Variants in BNIP2 observed in about 807,000 individuals in gnomAD.
The protein encoded by BNIP2 is BCL2 interacting protein 2.
In BNIP2, 36 loss-of-function variants were observed where a neutral mutation model predicts 43.4. The observed-to-expected ratio is 0.83, with a 90% CI of 0.64 to 1.10. The LOEUF is 1.10. BNIP2 is among the 50% of genes least tolerant of loss of function. BNIP2 has a pLI of 0.00. For missense variants in BNIP2, 417 were observed against 374.1 expected (o/e 1.11, Z -0.95); for synonymous variants, 146 against 121.0 (o/e 1.21, Z -1.35).
At chr15:59,680,983 C>T (rs566755418) in intron 2 of BNIP2, among the ~76,000 whole-genome samples, 7 of 152,300 alleles carry the variant, frequency 4.6e-5, no homozygotes, top group Admixed American at 4.6e-4. Flanking sequence ...ATATAAATTC[C>T]TTATGCAACA....
chr15:59,682,551 T>C (rs746428530), intron 1 of BNIP2, 37 bp from the exon 2 acceptor site: 53 of 1,527,964 alleles, frequency 3.5e-5, no homozygotes, highest in Non-Finnish European at 4.7e-5. Context: ...TAATTTCCAC[T>C]TTACTTTTTA....
chr15:59,661,510 G>A lies in BNIP2; in HGVS notation c.*2559C>T, dbSNP rs1342470792. On this transcript the variant is annotated 3_prime_UTR_variant, in exon 10 of 10. Transcript: ENST00000607373. ...CATATCTCCCTCTGAGTTAAAGATT[G>A]TTAAGCTTAAATTGTGGGGTGAATA... The A allele has an allele frequency of 6.6e-6, 1 of 152,056 alleles. No homozygotes were observed. The highest frequency in any genetic ancestry group is 1.5e-5 in the Non-Finnish European group (1 of 68,022). 9.4% of individuals were successfully genotyped at this position (152,056 alleles called of 1,614,324 possible).
chr15:59,676,271 G>C (rs1040926470), intron 5 of BNIP2, among the ~76,000 whole-genome samples: 9 of 152,100 alleles, frequency 5.9e-5, no homozygotes, highest in Non-Finnish European at 1.0e-4. Context: ...CCAAGCTCAA[G>C]CTCTCTCTCC....
intron 5 of BNIP2, among the ~76,000 whole-genome samples, chr15:59,673,840 C>G (rs1334894024): frequency 6.6e-6 from 1 of 152,102 alleles, no homozygotes; most frequent in Non-Finnish European, 1.5e-5. Context: ...GTAATTCCAG[C>G]ACTTCGGGAG....
chr15:59,664,255 A>G, intron 9 of BNIP2, 135 bp from the exon 10 acceptor site: 2 of 510,648 alleles, frequency 3.9e-6, no homozygotes, highest in Non-Finnish European at 6.4e-6. Context: ...TAGTAAAAAC[A>G]GTTACCAAAC....
Position 59,660,391 on chromosome 15 carries a change from G to GT in BNIP2, c.*3677dup, listed in dbSNP as rs1441109781. The GT allele has an allele frequency of 1.3e-5, 2 of 152,164 alleles. No individual in the cohort carries two copies. Among genetic ancestry groups the GT allele is most frequent in the East Asian group, 3.8e-4 (2 of 5,200 alleles). The allele number at this position is 152,164 out of a possible 1,614,324, so 9.4% of individuals were successfully genotyped here. A position where few individuals can be genotyped will look rare whatever the true frequency, so the allele number is the denominator to read the frequency against. ...CTCCTACTCCCATTTGCTTGAGCAA[G>GT]TTTAACACTTCTCCACATATAACAT... On this transcript the variant is annotated 3_prime_UTR_variant, in exon 10 of 10. Coordinates refer to ENST00000607373, the MANE Select transcript of BNIP2 (RefSeq NM_004330.4).
At chr15:59,687,382 C>T (rs1894092118) in intron 1 of BNIP2, among the ~76,000 whole-genome samples, 1 of 144,308 alleles carries the variant, frequency 6.9e-6, no homozygotes, top group Non-Finnish European at 1.5e-5. Context: ...GACGGAGTCT[C>T]ACTCTGTCGC....
Position 59,677,924 on chromosome 15 carries a change from A to C in BNIP2, c.459T>G (p.Val153=). 6.2e-7 allele frequency: 1 copy of C among 1,607,098 alleles called. No individual in the cohort carries two copies. The highest frequency in any genetic ancestry group is 8.5e-7 in the Non-Finnish European group (1 of 1,177,884). ...AGTAACTCTTACCCCCATGGCTGATAACTTTTTTATAGGGTTCAATTGCCT... is the reference window on the plus strand; with the variant it reads ...AGTAACTCTTACCCCCATGGCTGATCACTTTTTTATAGGGTTCAATTGCCT... ...DMKAIEPYKK[V]ISHGGYYGDG... The change falls in exon 5 of 10, where the codon GTT becomes GTG. Residue 153 remains valine, a synonymous_variant. Transcript: ENST00000607373.
chr15:59,674,910 G>C (rs1220548745), intron 5 of BNIP2, among the ~76,000 whole-genome samples: 2 of 152,130 alleles, frequency 1.3e-5, no homozygotes, highest in Non-Finnish European at 2.9e-5. Context: ...CATAAGTATG[G>C]AAAGTGGGTG....
rs1566988820 is a variant in BNIP2 at position 59,688,527 on chromosome 15, A to C, written c.-58+608T>G. ...AAGAGCTCACAAGACACAGACAAGT[A>C]ACTCTCCAGCGGCATGAAATGCATC... On this transcript the variant is annotated intron_variant, in intron 1 of 9. Coordinates refer to ENST00000607373, the MANE Select transcript of BNIP2 (RefSeq NM_004330.4). The C allele has an allele frequency of 5.1e-6, 3 of 584,000 alleles. No homozygotes were observed. In the South Asian group the frequency reaches 5.9e-5, roughly 11 times the overall value. The allele number at this position is 584,000 out of a possible 1,614,324, so 36.2% of individuals were successfully genotyped here. A position where few individuals can be genotyped will look rare whatever the true frequency, so the allele number is the denominator to read the frequency against.
At chr15:59,673,979 A>T (rs1298168892) in intron 5 of BNIP2, among the ~76,000 whole-genome samples, 2 of 151,642 alleles carry the variant, frequency 1.3e-5, no homozygotes, top group Non-Finnish European at 2.9e-5. Context: ...AGTCCCAGCT[A>T]CTCAGGAGGC....
Position 59,663,083 on chromosome 15 carries a change from T to C in BNIP2, c.*986A>G, listed in dbSNP as rs888694321. On this transcript the variant is annotated 3_prime_UTR_variant, in exon 10 of 10. Coordinates refer to ENST00000607373, the MANE Select transcript of BNIP2 (RefSeq NM_004330.4). ...AACTACCGAGTTCAAATAATTGATA[T>C]GGAAGTATTTTGGTAAAGTGCCCAT... The C allele has an allele frequency of 5.2e-5, 8 of 152,642 alleles. No homozygotes were observed. Among genetic ancestry groups the C allele is most frequent in the Non-Finnish European group, 1.0e-4 (7 of 68,040 alleles). 9.5% of individuals were successfully genotyped at this position (152,642 alleles called of 1,614,324 possible).
rs914727843 is a variant in BNIP2 at position 59,659,169 on chromosome 15, A to T, written c.*4900T>A. 4.6e-5 allele frequency: 7 copies of T among 152,252 alleles called. No homozygotes were observed. The highest frequency in any genetic ancestry group is 9.6e-5 in the African/African-American group (4 of 41,460). 9.4% of individuals were successfully genotyped at this position (152,252 alleles called of 1,614,324 possible). Reference sequence around the variant, plus strand: ...CGAACGTTCCAATTAATTTATTTAAATTCATTAATGTTGCAAAAAATATGA... The same window carrying T: ...CGAACGTTCCAATTAATTTATTTAATTTCATTAATGTTGCAAAAAATATGA... On this transcript the variant is annotated 3_prime_UTR_variant, in exon 10 of 10. Transcript: ENST00000607373.
rs968504470 is a variant in BNIP2 at position 59,660,712 on chromosome 15, C to G, written c.*3357G>C. 1 of 152,110 alleles carries G rather than the reference C, an allele frequency of 6.6e-6. No homozygotes were observed. The allele number at this position is 152,110 out of a possible 1,614,324, so 9.4% of individuals were successfully genotyped here. A position where few individuals can be genotyped will look rare whatever the true frequency, so the allele number is the denominator to read the frequency against. On this transcript the variant is annotated 3_prime_UTR_variant, in exon 10 of 10. Transcript: ENST00000607373. ...TATATGCTTGCCAATCAGCATATTT[C>G]AGTATTCAGTGCACTTACTAGTGAT...
At chr15:59,669,049 T>C (rs1023232885) in intron 8 of BNIP2, 59 bp from the exon 9 acceptor site, 40 of 1,397,632 alleles carry the variant, frequency 2.9e-5, no homozygotes, top group Admixed American at 3.9e-5. Context: ...ATGGATACAA[T>C]GTTTACAAGA....
chr15:59,679,051 AT>A (rs1191375745), intron 4 of BNIP2, among the ~76,000 whole-genome samples: 5 of 152,240 alleles, frequency 3.3e-5, no homozygotes, highest in Admixed American at 6.5e-5. Context: ...ATGGAAAAAA[AT>A]ATGTAAAAAT....
chr15:59,688,547 T>C (rs917082167), intron 1 of BNIP2: 3 of 662,996 alleles, frequency 4.5e-6, no homozygotes, highest in East Asian at 5.9e-5. Flanking sequence ...CGGCATGAAA[T>C]GCATCCAGAA....
chr15:59,674,292 C>G (rs1304381623), intron 5 of BNIP2, among the ~76,000 whole-genome samples: 1 of 152,054 alleles, frequency 6.6e-6, no homozygotes, highest in African/African-American at 2.4e-5. Flanking sequence ...TTGAACATTT[C>G]AAGAACATCA....
chr15:59,672,037 C>A (rs534027175), intron 6 of BNIP2, among the ~76,000 whole-genome samples: 1 of 152,296 alleles, frequency 6.6e-6, no homozygotes, highest in East Asian at 1.9e-4. Context: ...AGTTGTACCA[C>A]TGCACTCCAG....
Sources: allele counts gnomAD v4.1 joint callset (sites outside exome capture counted in the v4.1 genomes callset), GRCh38; gene constraint gnomAD v4.1.1; transcripts MANE v1.5; gene names NCBI Gene and HGNC (gene_info 2026-07-23, HGNC 2026-07-21).